Variants in FER1L6 observed in about 807,000 individuals in gnomAD.
The protein encoded by FER1L6 is fer-1-like protein 6.
A neutral mutation model predicts 219.2 loss-of-function variants in FER1L6; 177 were observed. That is an observed-to-expected ratio of 0.81 (90% CI 0.71 to 0.91). The LOEUF (loss-of-function observed/expected upper bound fraction) is 0.91, where lower values mean the gene tolerates loss of function less well. Among genes scored for constraint, FER1L6 ranks in the 40% least tolerant of loss-of-function variants. FER1L6 has a pLI of 0.00. For missense variants in FER1L6, 2,153 were observed against 2,259.9 expected, an observed-to-expected ratio of 0.95 and a Z score of 0.96; for synonymous variants, 768 against 824.3, an observed-to-expected ratio of 0.93 and a Z score of 1.17.
At chr8:123,897,122 C>A (rs1238373922) in intron 1 of FER1L6, among the ~76,000 whole-genome samples, 1 of 152,166 alleles carries the variant, frequency 6.6e-6, no homozygotes, top group African/African-American at 2.4e-5. Flanking sequence ...CATCTACAAT[C>A]ATTTTCCACC....
In FER1L6 at chr8:124,049,675, G is replaced by A; in HGVS notation, c.2793G>A (p.Glu931=). The A allele has an allele frequency of 6.2e-7, 1 of 1,613,940 alleles. No homozygotes were observed. The highest frequency in any genetic ancestry group is 1.1e-5 in the South Asian group (1 of 91,066). ...PVVKLADQDY[E]PPRLCYHPIF... ...TGAAGCTGGCTGACCAGGACTATGA[G>A]CCCCCCAGGTTATGCTATCACCCCA... Residue 931 remains glutamate (E), a synonymous_variant, in exon 22 of 41, where the codon GAG becomes GAA. Coordinates refer to ENST00000522917, the MANE Select transcript of FER1L6 (RefSeq NM_001039112.2).
At chr8:124,000,507 A>G (rs555586425) in intron 12 of FER1L6, among the ~76,000 whole-genome samples, 30 of 152,302 alleles carry the variant, frequency 2.0e-4, no homozygotes, top group African/African-American at 7.0e-4. Flanking sequence ...TTAAGACTGT[A>G]GGTTTAGATT....
At chr8:124,060,333 GGGCAGT>G in intron 23 of FER1L6, 43 bp downstream of exon 23, 1 of 1,580,910 alleles carries the variant, frequency 6.3e-7, no homozygotes, top group Non-Finnish European at 8.7e-7. Context: ...TGGCACTCAA[GGGCAGT>G]GGCCCCACCT....
At chr8:123,995,582 G>A (rs1386242283) in intron 12 of FER1L6, among the ~76,000 whole-genome samples, 1 of 151,718 alleles carries the variant, frequency 6.6e-6, no homozygotes, top group Non-Finnish European at 1.5e-5. Context: ...CTGGCTACAG[G>A]ATTGTCAATT....
chr8:123,939,199 C>T (rs1382687975), intron 1 of FER1L6: 3 of 984,770 alleles, frequency 3.0e-6, no homozygotes, highest in East Asian at 2.3e-4. Flanking sequence ...CTGAGGTGAG[C>T]TAAATAACAC....
chr8:123,984,837 T>TCC (rs972632839), intron 11 of FER1L6: 1 of 152,178 alleles, frequency 6.6e-6, no homozygotes, highest in African/African-American at 2.4e-5. Context: ...GAGCTCTTGA[T>TCC]CCCCGGGGCC....
chr8:124,060,158 T>G (rs373603750), intron 22 of FER1L6, 22 bp from the exon 23 acceptor site: 11 of 1,585,656 alleles, frequency 6.9e-6, no homozygotes, highest in Non-Finnish European at 9.5e-6. Context: ...AGCATCTAAC[T>G]CATACTTGCC....
Position 123,872,556 on chromosome 8 carries a change from T to C in FER1L6, c.-8+20371T>C, listed in dbSNP as rs139614649. ...AAACTGAATAAATTTTATAATACAATTTTCTAATATACCAATATTGGTTCA... is the reference window on the plus strand; with the variant it reads ...AAACTGAATAAATTTTATAATACAACTTTCTAATATACCAATATTGGTTCA... On this transcript the variant is annotated intron_variant, in intron 1 of 40. Transcript: ENST00000522917. Among the ~76,000 whole-genome samples the C allele has an allele frequency of 3.6e-3, 550 of 152,248 alleles. 5 individuals carry two copies. Among genetic ancestry groups the C allele is most frequent in the Admixed American group, 5.2e-3 (80 of 15,282 alleles).
At position 123,890,625 on chromosome 8, in the gene FER1L6, A is replaced by ATTTTTTTTTTT. The variant is rs59914385; in HGVS notation, c.-8+38454_-8+38464dup. 2.1e-3 allele frequency among the ~76,000 whole-genome samples: 190 copies of ATTTTTTTTTTT among 91,362 alleles called. 10 individuals are homozygous for ATTTTTTTTTTT. Among genetic ancestry groups the ATTTTTTTTTTT allele is most frequent in the Non-Finnish European group, 2.9e-3 (141 of 49,118 alleles). 59.9% of individuals were successfully genotyped at this position (91,362 alleles called of 152,430 possible). A position where few individuals can be genotyped will look rare whatever the true frequency, so the allele number is the denominator to read the frequency against. ...GAGCACACTAGCCATTAAAAATTTG[A>ATTTTTTTTTTT]TTTTTTTTTTTTTTTTTTTTTTTTA... On this transcript the variant is annotated intron_variant, in intron 1 of 40. Transcript: ENST00000522917.
chr8:124,086,182 G>C (rs538455699), intron 33 of FER1L6, among the ~76,000 whole-genome samples: 1 of 151,908 alleles, frequency 6.6e-6, no homozygotes, highest in African/African-American at 2.4e-5. Flanking sequence ...CTTTTGATTG[G>C]AGAGGTTAGT....
At chr8:123,901,722 ATT>A (rs139027665) in intron 1 of FER1L6, among the ~76,000 whole-genome samples, 7 of 144,118 alleles carry the variant, frequency 4.9e-5, no homozygotes, top group Admixed American at 7.0e-5. Flanking sequence ...AGTTTGAAGA[ATT>A]TTTTTTTTTT....
chr8:124,032,927 T>C (rs991761403), intron 18 of FER1L6, among the ~76,000 whole-genome samples: 1 of 152,150 alleles, frequency 6.6e-6, no homozygotes, highest in Non-Finnish European at 1.5e-5. Flanking sequence ...CAGAGACCAG[T>C]TGAATTTGAG....
intron 1 of FER1L6, among the ~76,000 whole-genome samples, chr8:123,879,146 A>G (rs1586435948): frequency 6.6e-6 from 1 of 152,116 alleles, no homozygotes; most frequent in Non-Finnish European, 1.5e-5. Flanking sequence ...CAAATTTAAA[A>G]ATAATAAATT....
chr8:123,998,939 C>A (rs1285544960), intron 12 of FER1L6, among the ~76,000 whole-genome samples: 1 of 151,558 alleles, frequency 6.6e-6, no homozygotes, highest in African/African-American at 2.4e-5. Context: ...AGGCTTAGGT[C>A]CCTCCCTTTG....
intron 13 of FER1L6, among the ~76,000 whole-genome samples, chr8:124,007,935 C>G (rs370845466): frequency 6.6e-6 from 1 of 152,082 alleles, no homozygotes; most frequent in Non-Finnish European, 1.5e-5. Flanking sequence ...CATCTGTTAT[C>G]TTTTTTAAAA....
At chr8:124,089,292 C>G (rs1350336042) in intron 33 of FER1L6, among the ~76,000 whole-genome samples, 1 of 152,238 alleles carries the variant, frequency 6.6e-6, no homozygotes, top group Admixed American at 6.5e-5. Flanking sequence ...CAGGGTAGCA[C>G]TGAGTTCCAA....
At chr8:123,969,431 A>T (rs1346653084) in intron 5 of FER1L6, among the ~76,000 whole-genome samples, 1 of 151,564 alleles carries the variant, frequency 6.6e-6, no homozygotes, top group Non-Finnish European at 1.5e-5. Context: ...CATAATTATA[A>T]ATTAAAAAAT....
intron 1 of FER1L6, among the ~76,000 whole-genome samples, chr8:123,875,595 T>C (rs1586433707): frequency 6.6e-6 from 1 of 152,198 alleles, no homozygotes; most frequent in African/African-American, 2.4e-5. Flanking sequence ...ATTCCATATA[T>C]GTATATACAA....
chr8:124,073,458 C>T (rs956236991), intron 31 of FER1L6, among the ~76,000 whole-genome samples: 2 of 152,096 alleles, frequency 1.3e-5, no homozygotes, highest in Admixed American at 6.6e-5. Context: ...GTGGTTTGCT[C>T]TCGTACTAAT....
Sources: allele counts gnomAD v4.1 joint callset (sites outside exome capture counted in the v4.1 genomes callset), GRCh38; gene constraint gnomAD v4.1.1; transcripts MANE v1.5; gene names NCBI Gene and HGNC (gene_info 2026-07-23, HGNC 2026-07-21).